ADGRV1: variants seen among roughly 807,000 people sequenced by gnomAD.
The protein encoded by ADGRV1 is G-protein coupled receptor 98.
In ADGRV1, 359 loss-of-function variants were observed where a neutral mutation model predicts 596.2. The ratio of observed to expected loss-of-function variants is 0.60; its 90% CI spans 0.55 to 0.66. The LOEUF (loss-of-function observed/expected upper bound fraction) is 0.66, where lower values mean the gene tolerates loss of function less well. ADGRV1 is among the 30% of genes least tolerant of loss of function. The pLI is 0.00. For missense variants in ADGRV1, 7,274 were observed against 7,575.6 expected, an observed-to-expected ratio of 0.96 and a Z score of 1.48; for synonymous variants, 2,681 against 2,679.2, an observed-to-expected ratio of 1.00 and a Z score of -0.02.
intron 1 of ADGRV1, among the ~76,000 whole-genome samples, chr5:90,568,544 T>C (rs1353606425): frequency 2.6e-5 from 4 of 152,200 alleles, no homozygotes; most frequent in African/African-American, 7.2e-5. Flanking sequence ...TTATCTCTTC[T>C]GGAGACTGCT....
Position 90,805,382 on chromosome 5 carries a change from T to G in ADGRV1, c.14760T>G (p.Val4920=). 6.2e-7 allele frequency: 1 copy of G among 1,611,030 alleles called. No homozygotes were observed. Residue 4920 remains valine (V), a synonymous_variant, in exon 72 of 90, where the codon GTT becomes GTG. Coordinates refer to ENST00000405460, the MANE Select transcript of ADGRV1 (RefSeq NM_032119.4). The part of the protein sequence containing the change: ...SRRGTYGALS[V]AWTTGYAPGL... ...GAGGCACATATGGAGCTCTCTCGGT[T>G]GCCTGGACCACTGGATATGCTCCTG... is the stretch of plus-strand genomic sequence containing the variant.
chr5:90,685,942 C>A lies in ADGRV1; in HGVS notation c.6437C>A (p.Ala2146Glu). The change falls in exon 29 of 90, where the codon GCA becomes GAA. Residue 2146 changes from alanine (A) to glutamate (E), a missense_variant. Coordinates refer to ENST00000405460, the MANE Select transcript of ADGRV1 (RefSeq NM_032119.4). ...PIINVTRTGG[A>E]FADVSVKFKA... is the part of the protein sequence containing the mutation. Reference sequence around the variant, plus strand: ...ATCAATGTGACTAGAACAGGAGGAGCATTTGCAGATGTCTCTGTGAAGTTT... The same window carrying A: ...ATCAATGTGACTAGAACAGGAGGAGAATTTGCAGATGTCTCTGTGAAGTTT... 6.2e-7 allele frequency: 1 copy of A among 1,606,714 alleles called. No homozygotes were observed. Among genetic ancestry groups the A allele is most frequent in the Non-Finnish European group, 8.5e-7 (1 of 1,175,504 alleles).
intron 59 of ADGRV1, 136 bp downstream of exon 59, chr5:90,763,605 T>C: frequency 1.2e-6 from 1 of 800,846 alleles, no homozygotes; most frequent in Non-Finnish European, 1.9e-6. Flanking sequence ...GGGTTTGGGC[T>C]TCTAGTGAGC....
chr5:91,133,486 A>G lies in ADGRV1; in HGVS notation c.18433-16544A>G, dbSNP rs1330772088. On this transcript the variant is annotated intron_variant, in intron 87 of 89. Coordinates refer to ENST00000405460, the MANE Select transcript of ADGRV1 (RefSeq NM_032119.4). ...GCTGAAATAGAAGGGAACTACAAAT[A>G]TCCTTGTGCTTCCAGCCACCTCACA... 3.3e-5 allele frequency among the ~76,000 whole-genome samples: 5 copies of G among 152,192 alleles called. No homozygotes were observed. In the East Asian group the frequency reaches 9.6e-4, roughly 29 times the overall value.
At chr5:90,896,145 A>G (rs1771290693) in intron 83 of ADGRV1, among the ~76,000 whole-genome samples, 1 of 150,556 alleles carries the variant, frequency 6.6e-6, no homozygotes, top group South Asian at 2.1e-4. Flanking sequence ...ATAGATCTGA[A>G]GTTTCTTCCT....
chr5:90,618,704 A>G (rs1055655808), intron 3 of ADGRV1, among the ~76,000 whole-genome samples: 3 of 152,154 alleles, frequency 2.0e-5, no homozygotes, highest in Non-Finnish European at 4.4e-5. Context: ...CTAAAGTTCC[A>G]GTACCTTCAA....
intron 83 of ADGRV1, among the ~76,000 whole-genome samples, chr5:90,927,924 G>GA (rs1390874994): frequency 1.3e-5 from 2 of 152,158 alleles, no homozygotes; most frequent in African/African-American, 2.4e-5. Context: ...ATTCTGGGTT[G>GA]AAAATTCTTT....
At chr5:91,131,910 G>A (rs1465315403) in intron 87 of ADGRV1, among the ~76,000 whole-genome samples, 1 of 152,056 alleles carries the variant, frequency 6.6e-6, no homozygotes, top group East Asian at 1.9e-4. Flanking sequence ...TTTTCTTCTA[G>A]GATTTTTGTA....
chr5:90,978,243 C>A (rs182042116), intron 84 of ADGRV1, among the ~76,000 whole-genome samples: 2 of 151,788 alleles, frequency 1.3e-5, no homozygotes, highest in South Asian at 2.1e-4. Context: ...TGCAGTGAGC[C>A]GAGATCGCGC....
chr5:90,881,402 T>C (rs571788905), intron 83 of ADGRV1, among the ~76,000 whole-genome samples: 1 of 152,328 alleles, frequency 6.6e-6, no homozygotes, highest in South Asian at 2.1e-4. Flanking sequence ...GGTCTAATTA[T>C]TGGACTGTTA....
At chr5:90,727,977 A>G (rs1043624948) in intron 48 of ADGRV1, among the ~76,000 whole-genome samples, 2 of 152,160 alleles carry the variant, frequency 1.3e-5, no homozygotes, top group African/African-American at 4.8e-5. Flanking sequence ...ATACTTATAC[A>G]TTGACTTAAT....
intron 21 of ADGRV1, among the ~76,000 whole-genome samples, chr5:90,660,984 G>A (rs1427529241): frequency 6.6e-6 from 1 of 152,150 alleles, no homozygotes; most frequent in Non-Finnish European, 1.5e-5. Context: ...ATAATTGAAA[G>A]AATGAATAAA....
intron 87 of ADGRV1, among the ~76,000 whole-genome samples, chr5:91,148,175 A>G (rs1795716085): frequency 6.6e-6 from 1 of 152,228 alleles, no homozygotes; most frequent in Admixed American, 6.5e-5. Context: ...AGTAGAAAAG[A>G]AAAACCCATT....
chr5:90,665,109 A>G (rs926476487), intron 21 of ADGRV1, among the ~76,000 whole-genome samples: 7 of 148,958 alleles, frequency 4.7e-5, no homozygotes, highest in African/African-American at 1.7e-4. Flanking sequence ...CTTTGGTATC[A>G]GAATGATGCT....
intron 85 of ADGRV1, among the ~76,000 whole-genome samples, chr5:91,060,811 A>ATGT (rs764189153): frequency 0.015 from 2,312 of 152,348 alleles, 31 homozygotes; most frequent in South Asian, 0.038. Context: ...ACTATCACAT[A>ATGT]AAGCCACATA....
chr5:90,933,251 A>AC (rs1775409865), intron 83 of ADGRV1, among the ~76,000 whole-genome samples: 1 of 152,186 alleles, frequency 6.6e-6, no homozygotes, highest in Non-Finnish European at 1.5e-5. Flanking sequence ...GCAGGGGTGC[A>AC]CACCAGAGTA....
chr5:91,151,282 C>CTA (rs1303089852), intron 88 of ADGRV1, among the ~76,000 whole-genome samples: 8 of 151,902 alleles, frequency 5.3e-5, no homozygotes, highest in Non-Finnish European at 1.0e-4. Flanking sequence ...AATTCAAGTA[C>CTA]TATATATATT....
chr5:90,672,770 T>C (rs1658415885), intron 22 of ADGRV1, 48 bp downstream of exon 22: 1 of 1,376,298 alleles, frequency 7.3e-7, no homozygotes, highest in African/African-American at 1.4e-5. Context: ...GGAAAGCTTT[T>C]CCTGAAGTGT....
At position 90,694,434 on chromosome 5, in the gene ADGRV1, A is replaced by G. The variant is rs1746903986; in HGVS notation, c.7678A>G (p.Ile2560Val). The G allele has an allele frequency of 1.2e-6, 2 of 1,613,986 alleles. No individual in the cohort carries two copies. The highest frequency in any genetic ancestry group is 1.7e-6 in the Non-Finnish European group (2 of 1,179,856). The change falls in exon 33 of 90, where the codon ATA (isoleucine) becomes GTA (valine). Residue 2560 changes from isoleucine to valine, a missense_variant. Physicochemically the swap from Ile to Val is conservative, Grantham distance 29. This residue lies in a region of ADGRV1 where 3,643 missense variants were observed against 3,809.2 expected (regional missense o/e 0.96). Coordinates refer to ENST00000405460, the MANE Select transcript of ADGRV1 (RefSeq NM_032119.4). Reference sequence around the variant, plus strand: ...AGCCAGTTTGAAAAATCAGCCAACCATAGGACAGCCAAATATTTCTACAGT... The same window carrying G: ...AGCCAGTTTGAAAAATCAGCCAACCGTAGGACAGCCAAATATTTCTACAGT... ...ISASLKNQPT[I>V]GQPNISTVVI...
Sources: allele counts gnomAD v4.1 joint callset (sites outside exome capture counted in the v4.1 genomes callset), GRCh38; gene constraint gnomAD v4.1.1; regional missense constraint gnomAD v4.1.1; transcripts MANE v1.5; gene names NCBI Gene and HGNC (gene_info 2026-07-23, HGNC 2026-07-21).